Variants in SLC35F3 observed in about 807,000 individuals in gnomAD.
SLC35F3 encodes the protein solute carrier family 35 member F3, also known as putative thiamine transporter SLC35F3.
In SLC35F3, 25 loss-of-function variants were observed where a neutral mutation model predicts 49.9. The observed-to-expected ratio is 0.50, with a 90% confidence interval of 0.37 to 0.70. The LOEUF (loss-of-function observed/expected upper bound fraction) is 0.70, where lower values mean the gene tolerates loss of function less well. SLC35F3 is among the 30% of genes least tolerant of loss of function. SLC35F3 has a pLI of 0.00. For synonymous variants in SLC35F3, 275 were observed against 265.4 expected (o/e 1.04, Z -0.35); for missense variants, 525 against 639.8 (o/e 0.82, Z 1.94).
rs1304869430 is a variant in SLC35F3 at position 234,064,333 on chromosome 1, T to G, written c.283+158575T>G. ...AAATGTTAGAATAAGAAGGACTTTA[T>G]TCTATGGTTAATTTAATATTTAAGA... On this transcript the variant is annotated intron_variant, in intron 2 of 7. Coordinates refer to ENST00000366618, the MANE Select transcript of SLC35F3 (RefSeq NM_173508.4). Among the ~76,000 whole-genome samples, 5 of 152,224 alleles carry G rather than the reference T, an allele frequency of 3.3e-5. No individual in the cohort carries two copies. The East Asian group carries it at 9.6e-4, about 29-fold the overall frequency.
chr1:234,036,588 T>C (rs1664147469), intron 2 of SLC35F3, among the ~76,000 whole-genome samples: 1 of 152,248 alleles, frequency 6.6e-6, no homozygotes, highest in African/African-American at 2.4e-5. Context: ...ATCTTCAATT[T>C]TGACATGTGT....
intron 2 of SLC35F3, among the ~76,000 whole-genome samples, chr1:234,179,921 C>T (rs1156843572): frequency 2.0e-5 from 3 of 152,174 alleles, no homozygotes; most frequent in Admixed American, 1.3e-4. Flanking sequence ...GCCTTTCCCC[C>T]GACTCTATCC....
At chr1:234,219,036 A>C (rs559475433) in intron 2 of SLC35F3, among the ~76,000 whole-genome samples, 3 of 136,796 alleles carry the variant, frequency 2.2e-5, no homozygotes, top group African/African-American at 8.6e-5. Flanking sequence ...TGACCTGGTG[A>C]CATAGAGAGA....
At chr1:233,991,084 G>A (rs190007001) in intron 2 of SLC35F3, among the ~76,000 whole-genome samples, 3 of 152,312 alleles carry the variant, frequency 2.0e-5, no homozygotes, top group Admixed American at 1.3e-4. Context: ...TGTGCAGTGA[G>A]TCCTGCTTTC....
intron 3 of SLC35F3, among the ~76,000 whole-genome samples, chr1:234,305,531 C>T (rs1324102586): frequency 6.6e-6 from 1 of 152,040 alleles, no homozygotes; most frequent in South Asian, 2.1e-4. Context: ...TACAGGCGCG[C>T]ACCACCATGC....
At chr1:234,273,004 C>T (rs1313890473) in intron 3 of SLC35F3, among the ~76,000 whole-genome samples, 3 of 152,198 alleles carry the variant, frequency 2.0e-5, no homozygotes, top group South Asian at 2.1e-4. Context: ...CCTCTCTGGT[C>T]GGCACTCCTC....
intron 2 of SLC35F3, among the ~76,000 whole-genome samples, chr1:234,184,954 G>A (rs755997658): frequency 3.9e-5 from 6 of 152,126 alleles, no homozygotes; most frequent in Non-Finnish European, 7.4e-5. Flanking sequence ...CAAGATCTTG[G>A]GCATTTGTAC....
At chr1:233,981,705 G>A (rs1201458560) in intron 2 of SLC35F3, among the ~76,000 whole-genome samples, 4 of 151,618 alleles carry the variant, frequency 2.6e-5, no homozygotes, top group Admixed American at 1.3e-4. Flanking sequence ...TTTGGGTTGC[G>A]TAGTAAGTGT....
intron 2 of SLC35F3, among the ~76,000 whole-genome samples, chr1:234,119,831 C>T (rs1376750840): frequency 3.3e-5 from 5 of 152,202 alleles, no homozygotes; most frequent in South Asian, 4.1e-4. Flanking sequence ...ACTTCCATCA[C>T]GCAGCAATAT....
chr1:234,170,586 G>C (rs1430570822), intron 2 of SLC35F3, among the ~76,000 whole-genome samples: 1 of 152,012 alleles, frequency 6.6e-6, no homozygotes, highest in Non-Finnish European at 1.5e-5. Flanking sequence ...TCATCTCCCT[G>C]AGGTATCCTA....
chr1:233,980,442 T>A (rs1663164670), intron 2 of SLC35F3, among the ~76,000 whole-genome samples: 4 of 152,192 alleles, frequency 2.6e-5, no homozygotes, highest in Non-Finnish European at 1.5e-5. Context: ...CTACTCCCAC[T>A]GCAAGGCCTG....
intron 2 of SLC35F3, among the ~76,000 whole-genome samples, chr1:234,208,318 G>A (rs768314439): frequency 2.0e-5 from 3 of 152,236 alleles, no homozygotes; most frequent in Non-Finnish European, 4.4e-5. Context: ...GGAATGAATA[G>A]ACCAGAGGCC....
At chr1:234,093,214 C>A (rs780688032) in intron 2 of SLC35F3, among the ~76,000 whole-genome samples, 1 of 152,328 alleles carries the variant, frequency 6.6e-6, no homozygotes, top group Non-Finnish European at 1.5e-5. Flanking sequence ...TCACAGCATG[C>A]CTCCCAACAT....
At chr1:234,058,761 C>T (rs1034768478) in intron 2 of SLC35F3, among the ~76,000 whole-genome samples, 4 of 152,146 alleles carry the variant, frequency 2.6e-5, no homozygotes, top group South Asian at 2.1e-4. Flanking sequence ...GAGGTAATGC[C>T]GCCCTCATAG....
chr1:233,932,469 C>T (rs555375477), intron 2 of SLC35F3, among the ~76,000 whole-genome samples: 4 of 152,072 alleles, frequency 2.6e-5, no homozygotes, highest in South Asian at 2.1e-4. Context: ...AATGATCCGA[C>T]GAGTGGATAC....
At chr1:234,154,086 A>G (rs1315140166) in intron 2 of SLC35F3, among the ~76,000 whole-genome samples, 1 of 151,804 alleles carries the variant, frequency 6.6e-6, no homozygotes, top group Non-Finnish European at 1.5e-5. Context: ...AAAACAAAAA[A>G]CTAGCTGGGT....
intron 2 of SLC35F3, among the ~76,000 whole-genome samples, chr1:234,101,922 G>A (rs901958990): frequency 1.1e-4 from 16 of 152,232 alleles, no homozygotes; most frequent in African/African-American, 3.9e-4. Context: ...CCACAGGCAT[G>A]TTCTGCCTCC....
intron 2 of SLC35F3, among the ~76,000 whole-genome samples, chr1:234,155,398 T>TGATGATGATG (rs59320767): frequency 1.1e-4 from 16 of 145,174 alleles, no homozygotes; most frequent in Middle Eastern, 3.5e-3. Context: ...TTCACCTGAT[T>TGATGATGATG]ATTATTATTA....
At chr1:233,994,080 C>G (rs1189574215) in intron 2 of SLC35F3, among the ~76,000 whole-genome samples, 1 of 152,142 alleles carries the variant, frequency 6.6e-6, no homozygotes, top group East Asian at 1.9e-4. Flanking sequence ...AGGCCAAGTT[C>G]CTGACAGATA....
Sources: gnomAD v4.1 joint callset for allele counts (sites outside exome capture counted in the v4.1 genomes callset) on GRCh38, gnomAD v4.1.1 for gene constraint, MANE v1.5 for transcripts, NCBI Gene and HGNC (gene_info 2026-07-23, HGNC 2026-07-21) for gene names.